Variants in IQCJ observed in about 807,000 individuals in gnomAD.
IQCJ encodes IQ motif containing J, also known as IQ domain-containing protein J.
IQCJ carries 9 observed loss-of-function variants against 11.0 expected under a neutral mutation model. The observed-to-expected ratio is 0.82, with a 90% CI of 0.49 to 1.43. The LOEUF is 1.43. Ranked by LOEUF, IQCJ falls within the 40% of genes most tolerant of loss-of-function variation. The probability of loss-of-function intolerance (pLI) is 0.00; values close to 1 mark genes in which losing one functional copy is unlikely to be tolerated. For synonymous variants in IQCJ, 55 were observed against 51.3 expected (o/e 1.07, Z -0.31); for missense variants, 146 against 133.2 (o/e 1.10, Z -0.47).
At chr3:159,171,505 G>A (rs1722482558) in intron 1 of IQCJ, among the ~76,000 whole-genome samples, 1 of 152,102 alleles carries the variant, frequency 6.6e-6, no homozygotes, top group Non-Finnish European at 1.5e-5. Context: ...CAGGCTCCCA[G>A]GTAATGCTGA....
intron 1 of IQCJ, among the ~76,000 whole-genome samples, chr3:159,109,295 C>T (rs535231024): frequency 1.3e-5 from 2 of 152,234 alleles, no homozygotes; most frequent in East Asian, 3.9e-4. Context: ...TGTAAATCCA[C>T]CTTTCTGTCA....
chr3:159,247,607 G>A (rs1013890133), intron 2 of IQCJ, among the ~76,000 whole-genome samples: 2 of 152,144 alleles, frequency 1.3e-5, no homozygotes, highest in Non-Finnish European at 2.9e-5. Context: ...CTTCCTCTTG[G>A]GCATGGGGCA....
At chr3:159,257,870 G>T (rs1011990435) in intron 3 of IQCJ, among the ~76,000 whole-genome samples, 1 of 152,156 alleles carries the variant, frequency 6.6e-6, no homozygotes, top group Non-Finnish European at 1.5e-5. Flanking sequence ...GAACCGTAAG[G>T]AGGGAACAAA....
At chr3:159,105,815 C>A (rs934385763) in intron 1 of IQCJ, among the ~76,000 whole-genome samples, 1 of 152,176 alleles carries the variant, frequency 6.6e-6, no homozygotes, top group Non-Finnish European at 1.5e-5. Context: ...TAGATAGATA[C>A]ATCACACGCA....
intron 1 of IQCJ, among the ~76,000 whole-genome samples, chr3:159,241,661 T>C (rs1396785594): frequency 6.6e-6 from 1 of 152,168 alleles, no homozygotes; most frequent in Non-Finnish European, 1.5e-5. Context: ...ATCCTAACAC[T>C]CCAGAATCCA....
At chr3:159,072,973 A>G (rs899694772) in intron 1 of IQCJ, among the ~76,000 whole-genome samples, 1 of 152,102 alleles carries the variant, frequency 6.6e-6, no homozygotes, top group Admixed American at 6.6e-5. Context: ...CTGGGAAGAG[A>G]TTCTGAGACA....
At chr3:159,249,212 A>G (rs1727449282) in intron 2 of IQCJ, among the ~76,000 whole-genome samples, 1 of 152,030 alleles carries the variant, frequency 6.6e-6, no homozygotes, top group Non-Finnish European at 1.5e-5. Flanking sequence ...ACTGACCACA[A>G]TTCTATATTA....
intron 1 of IQCJ, chr3:159,070,046 C>T (rs1261609772): frequency 1.5e-5 from 3 of 197,678 alleles, no homozygotes; most frequent in African/African-American, 4.6e-5. Context: ...CTCAGGGGGA[C>T]GTTGATCCGC....
chr3:159,163,306 G>C (rs1472756831), intron 1 of IQCJ, among the ~76,000 whole-genome samples: 1 of 152,102 alleles, frequency 6.6e-6, no homozygotes, highest in Non-Finnish European at 1.5e-5. Context: ...CATATAAACA[G>C]AACCAAAGAC....
chr3:159,209,482 A>G (rs76744451), intron 1 of IQCJ, among the ~76,000 whole-genome samples: 3,484 of 152,158 alleles, frequency 0.023, 139 homozygotes, highest in African/African-American at 0.079. Context: ...AGGAGAAGCC[A>G]GGTACCAAAA....
chr3:159,261,402 C>T (rs1001280316), intron 3 of IQCJ, among the ~76,000 whole-genome samples: 4 of 152,206 alleles, frequency 2.6e-5, no homozygotes, highest in African/African-American at 9.6e-5. Flanking sequence ...TATGATTTGG[C>T]TCTGTGTCCC....
At chr3:159,108,617 G>A (rs2108114817) in intron 1 of IQCJ, among the ~76,000 whole-genome samples, 1 of 152,284 alleles carries the variant, frequency 6.6e-6, no homozygotes, top group South Asian at 2.1e-4. Flanking sequence ...TTGCATAGAT[G>A]TATTAGCTGT....
intron 1 of IQCJ, among the ~76,000 whole-genome samples, chr3:159,180,621 A>G (rs1317186022): frequency 6.6e-6 from 1 of 151,992 alleles, no homozygotes; most frequent in Non-Finnish European, 1.5e-5. Context: ...GAAAACAAAA[A>G]CATGTAGTAT....
chr3:159,180,056 G>A (rs1263099693), intron 1 of IQCJ, among the ~76,000 whole-genome samples: 1 of 152,214 alleles, frequency 6.6e-6, no homozygotes, highest in African/African-American at 2.4e-5. Flanking sequence ...GGTAGAAGGC[G>A]CTAGGGCAGA....
At position 159,205,251 on chromosome 3, in the gene IQCJ, A is replaced by G. The variant is rs59262828; in HGVS notation, c.10-40592A>G. The stretch of plus-strand genomic sequence containing the variant: ...TCATGATTATGGTGTATTACAAGGA[A>G]AGGATACAGATTAAAATAAGCCAAG... On this transcript the variant is annotated intron_variant, in intron 1 of 3. Transcript: ENST00000397832. Among the ~76,000 whole-genome samples the G allele has an allele frequency of 8.6e-3, 1,306 of 152,308 alleles. 21 individuals are homozygous for G. The highest frequency in any genetic ancestry group is 0.031 in the African/African-American group (1,269 of 41,554).
At position 159,089,286 on chromosome 3, in the gene IQCJ, T is replaced by A. The variant is rs958992169; in HGVS notation, c.9+19845T>A. ...GGCTTGTAGCGTTTCTGCCGAAAGA[T>A]CCGCTGTTAGTCTGATGGGCTTCCC... On this transcript the variant is annotated intron_variant, in intron 1 of 3. Transcript: ENST00000397832. Among the ~76,000 whole-genome samples, 9 of 152,220 alleles carry A rather than the reference T, an allele frequency of 5.9e-5. No individual in the cohort carries two copies. The East Asian group carries it at 1.7e-3, about 29-fold the overall frequency.
At chr3:159,076,428 C>T (rs1254843610) in intron 1 of IQCJ, among the ~76,000 whole-genome samples, 3 of 152,044 alleles carry the variant, frequency 2.0e-5, no homozygotes, top group African/African-American at 7.2e-5. Context: ...ATGGAGCTCC[C>T]TGGTAGGTTC....
chr3:159,092,699 A>ACACACACACACACACACAC (rs1553775246), intron 1 of IQCJ, among the ~76,000 whole-genome samples: 1 of 141,600 alleles, frequency 7.1e-6, no homozygotes. Context: ...CTCCATCACA[A>ACACACACACACACACACAC]ACACACACAC....
intron 1 of IQCJ, among the ~76,000 whole-genome samples, chr3:159,075,438 AG>A (rs1715846757): frequency 6.6e-6 from 1 of 152,122 alleles, no homozygotes; most frequent in Non-Finnish European, 1.5e-5. Context: ...TCAAAAGATA[AG>A]CTGGTAACAT....
Sources: allele counts gnomAD v4.1 joint callset (sites outside exome capture counted in the v4.1 genomes callset), GRCh38; gene constraint gnomAD v4.1.1; transcripts MANE v1.5; gene names NCBI Gene and HGNC (gene_info 2026-07-23, HGNC 2026-07-21).